The following CFAP44 variants were observed in gnomAD, a reference collection of about 807,000 sequenced individuals.
CFAP44 encodes cilia and flagella associated protein 44.
CFAP44 carries 134 observed loss-of-function variants against 216.2 expected under a neutral mutation model. That is an observed-to-expected ratio of 0.62 (90% CI 0.54 to 0.72). The LOEUF is 0.72. Among genes scored for constraint, CFAP44 ranks in the 30% least tolerant of loss-of-function variants. The pLI, the probability that CFAP44 is intolerant of heterozygous loss-of-function variation, is 0.00. For missense variants in CFAP44, 2,035 were observed against 2,182.1 expected, an observed-to-expected ratio of 0.93 and a Z score of 1.34; for synonymous variants, 700 against 727.6, an observed-to-expected ratio of 0.96 and a Z score of 0.61.
chr3:113,404,322 A>C (rs1330831578), intron 8 of CFAP44, among the ~76,000 whole-genome samples: 1 of 152,178 alleles, frequency 6.6e-6, no homozygotes, highest in Non-Finnish European at 1.5e-5. Context: ...AGGACAAAAG[A>C]CAGGAGTGGA....
intron 17 of CFAP44, among the ~76,000 whole-genome samples, chr3:113,375,900 G>A (rs1933329092): frequency 2.0e-5 from 3 of 151,822 alleles, no homozygotes; most frequent in South Asian, 2.1e-4. Flanking sequence ...TAATCTAGTA[G>A]AGGAAGAAAA....
chr3:113,295,827 A>T (rs1230247199), intron 33 of CFAP44, among the ~76,000 whole-genome samples: 1 of 152,258 alleles, frequency 6.6e-6, no homozygotes, highest in African/African-American at 2.4e-5. Flanking sequence ...TTGGCACAGC[A>T]TGCAAAAACC....
intron 6 of CFAP44, among the ~76,000 whole-genome samples, chr3:113,410,233 T>C (rs1157530915): frequency 1.3e-5 from 2 of 152,182 alleles, no homozygotes; most frequent in East Asian, 1.9e-4. Flanking sequence ...ATGTGTCATG[T>C]TGGTGTGCTT....
At chr3:113,350,622 G>C (rs1048589499) in intron 22 of CFAP44, among the ~76,000 whole-genome samples, 4 of 152,218 alleles carry the variant, frequency 2.6e-5, no homozygotes, top group Admixed American at 6.5e-5. Flanking sequence ...AAGCACTGAG[G>C]CCACTGACAA....
chr3:113,407,314 G>A (rs566329931), intron 7 of CFAP44, among the ~76,000 whole-genome samples: 1 of 152,240 alleles, frequency 6.6e-6, no homozygotes, highest in South Asian at 2.1e-4. Context: ...GTACCCTCCA[G>A]CTATGTGTGA....
chr3:113,439,127 ATTTCG>A (rs1935301224), intron 1 of CFAP44, among the ~76,000 whole-genome samples: 1 of 152,154 alleles, frequency 6.6e-6, no homozygotes, highest in Admixed American at 6.5e-5. Flanking sequence ...ACTAGCATAA[ATTTCG>A]TTTCATTAGA....
rs773357862 is a variant in CFAP44, at chr3:113,286,999, GTA to G, written c.*4556_*4557del. ...TATATTTATGCACTTGTAAATAAAT[GTA>G]TATGTTTTATAATTCTGGAGAGACA... is the stretch of plus-strand genomic sequence containing the variant. On this transcript the variant is annotated 3_prime_UTR_variant, in exon 35 of 35. Transcript: ENST00000393845. The G allele has an allele frequency of 6.2e-6, 6 of 965,422 alleles. No homozygotes were observed. In the South Asian group the frequency reaches 7.3e-5, roughly 12 times the overall value. 59.8% of individuals were successfully genotyped at this position (965,422 alleles called of 1,614,324 possible). A position where few individuals can be genotyped will look rare whatever the true frequency, so the allele number is the denominator to read the frequency against.
chr3:113,340,594 C>A (rs761065062), intron 24 of CFAP44, among the ~76,000 whole-genome samples: 73 of 152,326 alleles, frequency 4.8e-4, no homozygotes, highest in Non-Finnish European at 8.4e-4. Flanking sequence ...CTTCAGTACC[C>A]CATTGCTCAA....
chr3:113,326,845 A>G (rs559662809), intron 27 of CFAP44, among the ~76,000 whole-genome samples: 1 of 152,274 alleles, frequency 6.6e-6, no homozygotes, highest in South Asian at 2.1e-4. Flanking sequence ...TCATGTTTAG[A>G]ATTAGAAAAT....
intron 32 of CFAP44, among the ~76,000 whole-genome samples, chr3:113,303,212 T>C (rs964857026): frequency 1.3e-5 from 2 of 152,194 alleles, no homozygotes; most frequent in African/African-American, 2.4e-5. Flanking sequence ...TATCCCTCTG[T>C]AACCCAGAGA....
At chr3:113,333,662 A>C in intron 24 of CFAP44, 79 bp from the exon 25 acceptor site, 1 of 1,332,220 alleles carries the variant, frequency 7.5e-7, no homozygotes. Flanking sequence ...ATAGGCATAT[A>C]TTCAAATTTA....
intron 4 of CFAP44, among the ~76,000 whole-genome samples, chr3:113,424,361 G>A (rs1486910818): frequency 3.3e-5 from 5 of 152,198 alleles, no homozygotes; most frequent in Middle Eastern, 3.4e-3. Flanking sequence ...GCTTGAACCC[G>A]GCAGGCGGAG....
intron 24 of CFAP44, among the ~76,000 whole-genome samples, chr3:113,339,896 G>A (rs1950315257): frequency 1.3e-5 from 2 of 152,334 alleles, no homozygotes; most frequent in South Asian, 4.1e-4. Flanking sequence ...AGAGGAGAGA[G>A]TCTGGGGGAA....
rs1950210721 is a variant in CFAP44, at chr3:113,328,695, T to TAAA, written c.4117-877_4117-876insTTT. 1.2e-3 allele frequency among the ~76,000 whole-genome samples: 86 copies of TAAA among 72,340 alleles called. 9 individuals are homozygous for TAAA. Among genetic ancestry groups the TAAA allele is most frequent in the African/African-American group, 2.9e-3 (63 of 21,404 alleles). 47.5% of individuals were successfully genotyped at this position (72,340 alleles called of 152,430 possible). On this transcript the variant is annotated intron_variant, in intron 26 of 34. Transcript: ENST00000393845. ...AAACTACCAGAGAAATTTAGAGAGC[T>TAAA]TAAAAAAAAAAAAAAAAAAAAAAAA...
chr3:113,395,430 A>G (rs1280594219), intron 15 of CFAP44, among the ~76,000 whole-genome samples: 2 of 152,210 alleles, frequency 1.3e-5, no homozygotes, highest in African/African-American at 4.8e-5. Context: ...AGGTGAAAGC[A>G]TTTCGACATG....
intron 4 of CFAP44, among the ~76,000 whole-genome samples, chr3:113,421,226 A>G (rs551751805): frequency 6.6e-4 from 100 of 152,314 alleles, no homozygotes; most frequent in African/African-American, 2.4e-3. Flanking sequence ...CAAGCGACCA[A>G]CAAACATGAA....
At chr3:113,294,925 G>T in intron 33 of CFAP44, 104 bp from the exon 34 acceptor site, 1 of 1,288,292 alleles carries the variant, frequency 7.8e-7, no homozygotes, top group Non-Finnish European at 1.0e-6. Flanking sequence ...ATGGAGCAAT[G>T]TGCCCATATG....
chr3:113,386,755 T>C (rs142334202), intron 15 of CFAP44, among the ~76,000 whole-genome samples: 13 of 152,272 alleles, frequency 8.5e-5, no homozygotes, highest in South Asian at 2.1e-4. Flanking sequence ...AGGTGAGTGA[T>C]GACAATACTT....
chr3:113,413,432 G>T (rs1181429684), intron 6 of CFAP44, among the ~76,000 whole-genome samples: 3 of 152,102 alleles, frequency 2.0e-5, no homozygotes, highest in Non-Finnish European at 4.4e-5. Flanking sequence ...TTTTTGTCAT[G>T]AAGTCTTTGC....
Sources: allele counts gnomAD v4.1 joint callset (sites outside exome capture counted in the v4.1 genomes callset), GRCh38; gene constraint gnomAD v4.1.1; transcripts MANE v1.5; gene names NCBI Gene and HGNC (gene_info 2026-07-23, HGNC 2026-07-21).